Variants in ZNF670 observed in about 807,000 individuals in gnomAD.
The protein encoded by ZNF670 is zinc finger protein 670.
A neutral mutation model predicts 10.9 loss-of-function variants in ZNF670; 7 were observed. That is an observed-to-expected ratio of 0.64 (90% CI 0.36 to 1.20). The LOEUF (loss-of-function observed/expected upper bound fraction) is 1.20, where lower values mean the gene tolerates loss of function less well. Ranked by LOEUF, ZNF670 falls within the 50% of genes most tolerant of loss-of-function variation. The pLI is 0.02. For missense variants in ZNF670, 446 were observed against 458.6 expected, an observed-to-expected ratio of 0.97 and a Z score of 0.25; for synonymous variants, 136 against 152.7, an observed-to-expected ratio of 0.89 and a Z score of 0.81.
At chr1:247,059,642 C>A (rs1472903018) in intron 1 of ZNF670, among the ~76,000 whole-genome samples, 1 of 151,730 alleles carries the variant, frequency 6.6e-6, no homozygotes, top group Non-Finnish European at 1.5e-5. Flanking sequence ...TGCTGAAAAA[C>A]CAGAAGGTTA....
intron 1 of ZNF670, among the ~76,000 whole-genome samples, chr1:247,070,287 T>A (rs1019303205): frequency 6.6e-6 from 1 of 152,032 alleles, no homozygotes; most frequent in African/African-American, 2.4e-5. Flanking sequence ...CTGGCTAACA[T>A]GGTGAAACCC....
Position 247,072,804 on chromosome 1 carries a change from GTATATA to G in ZNF670, c.3+5784_3+5789del, listed in dbSNP as rs74163726. ...CTCTGTCTCAAAAAAAAAAGTGTGT[GTATATA>G]TATATATATATATATATATATATAT... On this transcript the variant is annotated intron_variant, in intron 1 of 3. Coordinates refer to ENST00000366503, the MANE Select transcript of ZNF670 (RefSeq NM_033213.5). Among the ~76,000 whole-genome samples the G allele has an allele frequency of 2.5e-3, 117 of 47,648 alleles. 4 individuals are homozygous for G. The highest frequency in any genetic ancestry group is 5.8e-3 in the African/African-American group (64 of 10,976). 31.3% of individuals were successfully genotyped at this position (47,648 alleles called of 152,430 possible). A position where few individuals can be genotyped will look rare whatever the true frequency, so the allele number is the denominator to read the frequency against.
At chr1:247,042,296 T>A (rs922918824) in intron 1 of ZNF670, among the ~76,000 whole-genome samples, 2 of 152,344 alleles carry the variant, frequency 1.3e-5, no homozygotes, top group East Asian at 3.9e-4. Context: ...CAGAACCGAT[T>A]AGCAAGTCAT....
At chr1:247,051,536 AGC>A (rs1480156768) in intron 1 of ZNF670, among the ~76,000 whole-genome samples, 1 of 152,160 alleles carries the variant, frequency 6.6e-6, no homozygotes, top group African/African-American at 2.4e-5. Context: ...TTTGCCTCAC[AGC>A]TCTTCAGATT....
At chr1:247,043,144 G>A in intron 1 of ZNF670, 2 of 895,236 alleles carry the variant, frequency 2.2e-6, no homozygotes, top group South Asian at 1.3e-5. Context: ...GACAATGTGA[G>A]GAGATGCTGT....
chr1:247,040,699 A>T (rs1027339126), intron 1 of ZNF670, among the ~76,000 whole-genome samples: 3 of 152,006 alleles, frequency 2.0e-5, no homozygotes, highest in Non-Finnish European at 4.4e-5. Flanking sequence ...TTTTTATTTT[A>T]TTTTTTTGGT....
intron 1 of ZNF670, among the ~76,000 whole-genome samples, chr1:247,058,016 A>T (rs1234146836): frequency 6.6e-6 from 1 of 152,242 alleles, no homozygotes; most frequent in Admixed American, 6.5e-5. Context: ...AACACAAAAG[A>T]TAAATGTTTA....
chr1:247,062,376 CAAAT>C (rs1324066711), intron 1 of ZNF670, among the ~76,000 whole-genome samples: 3 of 152,130 alleles, frequency 2.0e-5, no homozygotes, highest in African/African-American at 4.8e-5. Flanking sequence ...TAATTGTTAA[CAAAT>C]AAAATATAAA....
In ZNF670 at chr1:247,037,504, T is replaced by A. The variant is rs1166421694; in HGVS notation, c.1115A>T (p.Lys372Ile). 1 of 1,614,106 alleles carries A rather than the reference T, an allele frequency of 6.2e-7. No individual in the cohort carries two copies. The highest frequency in any genetic ancestry group is 1.7e-5 in the Admixed American group (1 of 60,016). ...EKPYECKKCG[K>I]AFSCSSSLRK... The stretch of plus-strand genomic sequence containing the variant: ...AAGGGAACTGGAACAACTGAAGGCT[T>A]TACCACATTTCTTACATTCATAGGG... The change falls in exon 4 of 4, where the codon AAA (lysine) becomes ATA (isoleucine). Residue 372 changes from lysine to isoleucine, a missense_variant. By Grantham distance (102) the Lys-to-Ile change is moderately radical. Transcript: ENST00000366503.
chr1:247,042,876 G>T, intron 1 of ZNF670: 1 of 634,774 alleles, frequency 1.6e-6, no homozygotes, highest in Non-Finnish European at 2.9e-6. Flanking sequence ...TACTGTAACT[G>T]GCTCAACTAC....
chr1:247,063,040 G>A (rs1157330921), intron 1 of ZNF670, among the ~76,000 whole-genome samples: 1 of 152,212 alleles, frequency 6.6e-6, no homozygotes, highest in Non-Finnish European at 1.5e-5. Flanking sequence ...TGAAATGTCT[G>A]CGCTTAGGTA....
intron 1 of ZNF670, among the ~76,000 whole-genome samples, chr1:247,070,919 A>C (rs1671099701): frequency 6.6e-6 from 1 of 152,212 alleles, no homozygotes; most frequent in Admixed American, 6.5e-5. Flanking sequence ...GAGAAATGCA[A>C]ATCAAAACCA....
intron 1 of ZNF670, among the ~76,000 whole-genome samples, chr1:247,054,837 T>A (rs1421713689): frequency 6.6e-6 from 1 of 152,214 alleles, no homozygotes; most frequent in Non-Finnish European, 1.5e-5. Flanking sequence ...TAATGAGTTA[T>A]AAGACAGTAT....
chr1:247,049,331 G>A (rs965028272), intron 1 of ZNF670, among the ~76,000 whole-genome samples: 2 of 151,944 alleles, frequency 1.3e-5, no homozygotes, highest in African/African-American at 4.8e-5. Flanking sequence ...TTCCCAAAGT[G>A]CTGGGATTAC....
At chr1:247,068,161 T>A (rs1276781080) in intron 1 of ZNF670, among the ~76,000 whole-genome samples, 2 of 149,492 alleles carry the variant, frequency 1.3e-5, no homozygotes, top group Non-Finnish European at 2.9e-5. Flanking sequence ...CTACTAAAGA[T>A]ACAAAAATTG....
chr1:247,049,882 A>G (rs1333068628), intron 1 of ZNF670, among the ~76,000 whole-genome samples: 1 of 152,206 alleles, frequency 6.6e-6, no homozygotes, highest in African/African-American at 2.4e-5. Flanking sequence ...TTGTGGTCTA[A>G]GAGTGTACTT....
intron 1 of ZNF670, among the ~76,000 whole-genome samples, chr1:247,058,724 A>ACATTATG (rs1440234123): frequency 4.0e-5 from 6 of 151,786 alleles, no homozygotes; most frequent in Admixed American, 6.6e-5. Flanking sequence ...AAAAAAAAAA[A>ACATTATG]AACCACAGTG....
At chr1:247,063,453 G>T (rs1238947317) in intron 1 of ZNF670, among the ~76,000 whole-genome samples, 2 of 151,694 alleles carry the variant, frequency 1.3e-5, no homozygotes, top group Non-Finnish European at 2.9e-5. Flanking sequence ...TGTGGTGGTG[G>T]GCGCCTGTAG....
chr1:247,070,564 T>C (rs1671091309), intron 1 of ZNF670, among the ~76,000 whole-genome samples: 1 of 152,224 alleles, frequency 6.6e-6, no homozygotes, highest in South Asian at 2.1e-4. Context: ...ATTATGGACA[T>C]AATCCTTGGT....
Sources: gnomAD v4.1 joint callset for allele counts (sites outside exome capture counted in the v4.1 genomes callset) on GRCh38, gnomAD v4.1.1 for gene constraint, MANE v1.5 for transcripts, NCBI Gene and HGNC (gene_info 2026-07-23, HGNC 2026-07-21) for gene names.